Variants in GINS1 observed in about 807,000 individuals in gnomAD.
GINS1 encodes the protein DNA replication complex GINS protein PSF1.
GINS1 carries 26 observed loss-of-function variants against 34.9 expected under a neutral mutation model. The observed-to-expected ratio is 0.74, with a 90% CI of 0.55 to 1.03. GINS1 has a LOEUF of 1.03. Ranked by LOEUF, GINS1 falls within the 50% of genes least tolerant of loss-of-function variation. The pLI is 0.00. For missense variants in GINS1, 235 were observed against 237.9 expected (o/e 0.99, Z 0.08); for synonymous variants, 97 against 84.4 (o/e 1.15, Z -0.82).
intron 5 of GINS1, among the ~76,000 whole-genome samples, chr20:25,438,849 C>T (rs1332459608): frequency 3.3e-5 from 5 of 152,056 alleles, no homozygotes; most frequent in African/African-American, 4.8e-5. Context: ...GCTGGGAATA[C>T]GGGCATGAGC....
chr20:25,434,128 A>G lies in GINS1; in HGVS notation c.448-7574A>G, dbSNP rs543698482. ...GCAAAACCCCATCTCTACTAAAAATAAAAAAAATTAACTGGTGTGGTGGCA... is the reference window on the plus strand; with the variant it reads ...GCAAAACCCCATCTCTACTAAAAATGAAAAAAATTAACTGGTGTGGTGGCA... On this transcript the variant is annotated intron_variant, in intron 5 of 6. Transcript: ENST00000262460. 1.3e-3 allele frequency among the ~76,000 whole-genome samples: 201 copies of G among 151,844 alleles called. 1 individual carries two copies. The highest frequency in any genetic ancestry group is 4.7e-3 in the African/African-American group (194 of 41,450).
At chr20:25,431,815 A>G (rs951759116) in intron 5 of GINS1, among the ~76,000 whole-genome samples, 1 of 150,726 alleles carries the variant, frequency 6.6e-6, no homozygotes, top group South Asian at 2.1e-4. Flanking sequence ...CAAGTGATCC[A>G]CCCACCTTGG....
intron 5 of GINS1, among the ~76,000 whole-genome samples, chr20:25,440,725 C>T (rs542018401): frequency 3.3e-5 from 5 of 150,348 alleles, no homozygotes; most frequent in South Asian, 4.2e-4. Flanking sequence ...GCAGGAGAAC[C>T]GCTTGAGCCT....
At position 25,446,971 on chromosome 20, in the gene GINS1, A is replaced by G. The variant is rs961777109; in HGVS notation, c.*980A>G. ...ATTTTTTTTCCTTTTTACTTCTAGA[A>G]GTGTTATAATTTTAAGCTTTATACT... On this transcript the variant is annotated 3_prime_UTR_variant, in exon 7 of 7. Coordinates refer to ENST00000262460, the MANE Select transcript of GINS1 (RefSeq NM_021067.5). 1 of 150,688 alleles carries G rather than the reference A, an allele frequency of 6.6e-6. No individual in the cohort carries two copies. The highest frequency in any genetic ancestry group is 1.5e-5 in the Non-Finnish European group (1 of 67,756). The allele number at this position is 150,688 out of a possible 1,614,324, so 9.3% of individuals were successfully genotyped here. A position where few individuals can be genotyped will look rare whatever the true frequency, so the allele number is the denominator to read the frequency against.
intron 1 of GINS1, among the ~76,000 whole-genome samples, chr20:25,412,579 A>G (rs2090293171): frequency 6.6e-6 from 1 of 152,166 alleles, no homozygotes; most frequent in African/African-American, 2.4e-5. Context: ...TTTTTAGTAA[A>G]TTATGAATTA....
intron 4 of GINS1, among the ~76,000 whole-genome samples, chr20:25,420,633 A>G (rs1266320253): frequency 6.6e-6 from 1 of 151,982 alleles, no homozygotes; most frequent in African/African-American, 2.4e-5. Flanking sequence ...TACAAAGATT[A>G]GCTGGGTGTG....
rs577668281 is a variant in GINS1, at chr20:25,447,211, T to C, written c.*1220T>C. ...CAGGCCGCCACGCCTGGCTAATTTTTGTATTTTTAGTAGAGACAGAGTTTT... is the reference window on the plus strand; with the variant it reads ...CAGGCCGCCACGCCTGGCTAATTTTCGTATTTTTAGTAGAGACAGAGTTTT... On this transcript the variant is annotated 3_prime_UTR_variant, in exon 7 of 7. Transcript: ENST00000262460. 1 of 152,314 alleles carries C rather than the reference T, an allele frequency of 6.6e-6. No individual in the cohort carries two copies. The highest frequency in any genetic ancestry group is 2.1e-4 in the South Asian group (1 of 4,828). 9.4% of individuals were successfully genotyped at this position (152,314 alleles called of 1,614,324 possible).
intron 5 of GINS1, among the ~76,000 whole-genome samples, chr20:25,427,702 A>G (rs1476177321): frequency 1.3e-5 from 2 of 151,940 alleles, no homozygotes; most frequent in Non-Finnish European, 2.9e-5. Flanking sequence ...TCCTTTATGT[A>G]TTCAGTATGT....
At chr20:25,433,593 T>G (rs994845862) in intron 5 of GINS1, among the ~76,000 whole-genome samples, 2 of 151,990 alleles carry the variant, frequency 1.3e-5, no homozygotes, top group Middle Eastern at 3.4e-3. Flanking sequence ...TCCATTTGTT[T>G]AAAAAAATTT....
At position 25,446,820 on chromosome 20, in the gene GINS1, A is replaced by G. The variant is rs1289737181; in HGVS notation, c.*829A>G. 1 of 152,100 alleles carries G rather than the reference A, an allele frequency of 6.6e-6. No individual in the cohort carries two copies. The highest frequency in any genetic ancestry group is 1.5e-5 in the Non-Finnish European group (1 of 68,018). 9.4% of individuals were successfully genotyped at this position (152,100 alleles called of 1,614,324 possible). On this transcript the variant is annotated 3_prime_UTR_variant, in exon 7 of 7. Coordinates refer to ENST00000262460, the MANE Select transcript of GINS1 (RefSeq NM_021067.5). ...GACTGAAAAGTCACATGAAGAGTTGATTGTCTTTTAATGGTATGTTTTAAA... is the reference window on the plus strand; with the variant it reads ...GACTGAAAAGTCACATGAAGAGTTGGTTGTCTTTTAATGGTATGTTTTAAA...
rs746492697 is a variant in GINS1, at chr20:25,434,307, C to A, written c.448-7395C>A. Reference sequence around the variant, plus strand: ...CTCCCCGCTGCCCAGAAAAAAAAAACCCAACAAAAAATAGAGTTATAAAAT... The same window carrying A: ...CTCCCCGCTGCCCAGAAAAAAAAAAACCAACAAAAAATAGAGTTATAAAAT... On this transcript the variant is annotated intron_variant, in intron 5 of 6. Coordinates refer to ENST00000262460, the MANE Select transcript of GINS1 (RefSeq NM_021067.5). Among the ~76,000 whole-genome samples the A allele has an allele frequency of 2.0e-4, 30 of 151,726 alleles. 2 individuals carry two copies. In the South Asian group the frequency reaches 3.8e-3, roughly 19 times the overall value.
intron 5 of GINS1, among the ~76,000 whole-genome samples, chr20:25,426,469 C>T (rs1187118438): frequency 6.6e-6 from 1 of 151,924 alleles, no homozygotes; most frequent in African/African-American, 2.4e-5. Flanking sequence ...GCAGGATAAT[C>T]GCTAGAACCG....
intron 5 of GINS1, among the ~76,000 whole-genome samples, chr20:25,431,540 T>A (rs903846968): frequency 6.6e-6 from 1 of 151,436 alleles, no homozygotes; most frequent in Non-Finnish European, 1.5e-5. Flanking sequence ...TGTTTCTTTT[T>A]TCTTTTTCTT....
intron 2 of GINS1, 87 bp downstream of exon 2, chr20:25,413,941 C>A: frequency 1.3e-6 from 1 of 780,522 alleles, no homozygotes; most frequent in South Asian, 1.4e-5. Flanking sequence ...CCTGTAATCC[C>A]AGCACTTTGG....
chr20:25,435,643 A>G (rs952927613), intron 5 of GINS1, among the ~76,000 whole-genome samples: 1 of 151,618 alleles, frequency 6.6e-6, no homozygotes, highest in Non-Finnish European at 1.5e-5. Context: ...CTGTAATCCT[A>G]GCTACTCGGA....
intron 2 of GINS1, among the ~76,000 whole-genome samples, chr20:25,414,415 AAAAAAT>A (rs1246521748): frequency 6.6e-6 from 1 of 152,142 alleles, no homozygotes; most frequent in Non-Finnish European, 1.5e-5. Flanking sequence ...ACCCTAAAAT[AAAAAAT>A]AAAAATAGGC....
chr20:25,428,822 C>T (rs1286977834), intron 5 of GINS1, among the ~76,000 whole-genome samples: 1 of 151,984 alleles, frequency 6.6e-6, no homozygotes, highest in African/African-American at 2.4e-5. Context: ...TTATCCTATT[C>T]CATTGTTCTG....
intron 6 of GINS1, 44 bp from the exon 7 acceptor site, chr20:25,445,879 A>C (rs1394836894): frequency 8.7e-7 from 1 of 1,155,064 alleles, no homozygotes; most frequent in East Asian, 2.4e-5. Context: ...ATTCTTTCCC[A>C]ATCATTTATT....
At chr20:25,437,978 G>GC (rs1280845681) in intron 5 of GINS1, among the ~76,000 whole-genome samples, 1 of 151,894 alleles carries the variant, frequency 6.6e-6, no homozygotes, top group Non-Finnish European at 1.5e-5. Context: ...ATTTAGCCAG[G>GC]CGTGGTGGCG....
Sources: allele counts gnomAD v4.1 joint callset (sites outside exome capture counted in the v4.1 genomes callset), GRCh38; gene constraint gnomAD v4.1.1; transcripts MANE v1.5; gene names NCBI Gene and HGNC (gene_info 2026-07-23, HGNC 2026-07-21).